Variants in HACD2 observed in about 807,000 individuals in gnomAD.
HACD2 encodes the protein very-long-chain (3R)-3-hydroxyacyl-CoA dehydratase 2.
A neutral mutation model predicts 31.0 loss-of-function variants in HACD2; 15 were observed. That is an observed-to-expected ratio of 0.48 (90% CI 0.32 to 0.75). The LOEUF is 0.75. Among genes scored for constraint, HACD2 ranks in the 30% least tolerant of loss-of-function variants. The pLI is 0.03. For synonymous variants in HACD2, 115 were observed against 122.2 expected, an observed-to-expected ratio of 0.94 and a Z score of 0.39; for missense variants, 283 against 313.0, an observed-to-expected ratio of 0.90 and a Z score of 0.72.
Position 123,584,861 on chromosome 3 carries a change from C to T in HACD2, c.155+12G>A, listed in dbSNP as rs1255078319. Reference sequence around the variant, plus strand: ...CGCGCTGGCTCCCCGCCTCCCCGAGCCCCAGCCTCACCCGGCTGTCATCAC... The same window carrying T: ...CGCGCTGGCTCCCCGCCTCCCCGAGTCCCAGCCTCACCCGGCTGTCATCAC... On this transcript the variant is annotated intron_variant, in intron 1 of 6. Coordinates refer to ENST00000383657, the MANE Select transcript of HACD2 (RefSeq NM_198402.5). The T allele has an allele frequency of 6.7e-7, 1 of 1,494,038 alleles. No homozygotes were observed. The highest frequency in any genetic ancestry group is 2.3e-5 in the Admixed American group (1 of 43,312). 92.5% of individuals were successfully genotyped at this position (1,494,038 alleles called of 1,614,324 possible).
intron 4 of HACD2, among the ~76,000 whole-genome samples, chr3:123,516,233 ATTT>A (rs138783399): frequency 3.2e-3 from 406 of 125,764 alleles, no homozygotes; most frequent in Middle Eastern, 8.8e-3. Context: ...TGTGCAACAT[ATTT>A]TTTTTTTTTT....
intron 1 of HACD2, chr3:123,584,619 C>G (rs1411194034): frequency 3.0e-6 from 1 of 328,100 alleles, no homozygotes. Context: ...CGAGCCAGCG[C>G]CCGGCAGCCG....
intron 3 of HACD2, among the ~76,000 whole-genome samples, chr3:123,538,100 G>A (rs2056447908): frequency 6.6e-6 from 1 of 152,146 alleles, no homozygotes; most frequent in African/African-American, 2.4e-5. Flanking sequence ...TCAGAAAAGA[G>A]GATGGCTGGT....
chr3:123,530,432 C>T (rs371415218), intron 3 of HACD2, among the ~76,000 whole-genome samples: 6 of 140,068 alleles, frequency 4.3e-5, no homozygotes, highest in South Asian at 2.2e-4. Context: ...TTTTTTGAGA[C>T]GGAGTCTTGC....
chr3:123,576,358 G>A (rs1353238410), intron 2 of HACD2, among the ~76,000 whole-genome samples: 1 of 151,988 alleles, frequency 6.6e-6, no homozygotes, highest in East Asian at 1.9e-4. Flanking sequence ...AAGCAGTGAG[G>A]CCTGTGTGGG....
intron 4 of HACD2, among the ~76,000 whole-genome samples, chr3:123,508,827 T>G (rs9860212): frequency 0.023 from 3,475 of 152,290 alleles, 54 homozygotes; most frequent in Non-Finnish European, 0.036. Flanking sequence ...CTCACAGTTA[T>G]GGAGGCTGGA....
At chr3:123,570,947 C>CACACACACACACAT (rs1248960155) in intron 2 of HACD2, among the ~76,000 whole-genome samples, 3 of 147,486 alleles carry the variant, frequency 2.0e-5, no homozygotes, top group African/African-American at 7.8e-5. Flanking sequence ...CACACACATA[C>CACACACACACACAT]ACACACACAC....
intron 3 of HACD2, 111 bp from the exon 4 acceptor site, chr3:123,528,585 C>G: frequency 1.4e-6 from 1 of 697,434 alleles, no homozygotes; most frequent in Non-Finnish European, 2.5e-6. Context: ...CGGTCTTGAG[C>G]AACTGAAAGG....
intron 3 of HACD2, among the ~76,000 whole-genome samples, 163 bp from the exon 4 acceptor site, chr3:123,528,637 C>T (rs370223790): frequency 1.4e-4 from 22 of 152,270 alleles, no homozygotes; most frequent in African/African-American, 5.3e-4. Context: ...ATGTAGTCCA[C>T]ATTAAAACAA....
intron 4 of HACD2, among the ~76,000 whole-genome samples, chr3:123,516,725 A>C (rs2056142336): frequency 6.6e-6 from 1 of 152,238 alleles, no homozygotes; most frequent in Non-Finnish European, 1.5e-5. Flanking sequence ...TAAGCATGCA[A>C]TCAACAAGCG....
At position 123,546,208 on chromosome 3, in the gene HACD2, T is replaced by C. The variant is rs557468341; in HGVS notation, c.293-17734A>G. Among the ~76,000 whole-genome samples the C allele has an allele frequency of 1.0e-3, 156 of 152,316 alleles. 1 individual carries two copies. The highest frequency in any genetic ancestry group is 3.4e-3 in the Middle Eastern group (1 of 294). On this transcript the variant is annotated intron_variant, in intron 3 of 6. Transcript: ENST00000383657. The stretch of plus-strand genomic sequence containing the variant: ...TGCTTCTGGATTCCAACACTAAAGA[T>C]ATAGAGCCGATTCATTACTTACACT...
intron 4 of HACD2, among the ~76,000 whole-genome samples, chr3:123,513,362 T>C (rs1314378041): frequency 6.6e-6 from 1 of 152,050 alleles, no homozygotes; most frequent in African/African-American, 2.4e-5. Context: ...TCCCACAAAA[T>C]ACTAATTAAT....
At chr3:123,516,540 T>C (rs1252170224) in intron 4 of HACD2, among the ~76,000 whole-genome samples, 5 of 152,096 alleles carry the variant, frequency 3.3e-5, no homozygotes, top group African/African-American at 4.8e-5. Flanking sequence ...GGCCAGATTT[T>C]TAAAAAAATC....
intron 4 of HACD2, among the ~76,000 whole-genome samples, chr3:123,517,502 T>A (rs2056152827): frequency 1.3e-5 from 2 of 152,220 alleles, no homozygotes; most frequent in Admixed American, 1.3e-4. Context: ...AAATATTCTA[T>A]GAAGTGATAG....
intron 3 of HACD2, among the ~76,000 whole-genome samples, chr3:123,559,183 T>G (rs78909327): frequency 0.03 from 4,551 of 152,290 alleles, 76 homozygotes; most frequent in Middle Eastern, 0.088. Flanking sequence ...TCTATTTTTA[T>G]TAGAAGTCAT....
intron 3 of HACD2, among the ~76,000 whole-genome samples, chr3:123,558,296 C>A (rs1251639035): frequency 6.6e-6 from 1 of 152,118 alleles, no homozygotes; most frequent in East Asian, 1.9e-4. Context: ...TTAAGACAAG[C>A]CCCAGAGTGG....
chr3:123,519,452 C>T (rs982278661), intron 4 of HACD2, among the ~76,000 whole-genome samples: 5 of 152,162 alleles, frequency 3.3e-5, no homozygotes, highest in African/African-American at 1.2e-4. Context: ...TTACTAAACT[C>T]TCTTCCCTGA....
intron 3 of HACD2, among the ~76,000 whole-genome samples, chr3:123,551,868 T>C (rs2056624103): frequency 6.6e-6 from 1 of 152,206 alleles, no homozygotes; most frequent in African/African-American, 2.4e-5. Context: ...TATATCTATA[T>C]AGCTGAATAT....
chr3:123,571,825 C>A (rs1184429522), intron 2 of HACD2, among the ~76,000 whole-genome samples: 1 of 152,140 alleles, frequency 6.6e-6, no homozygotes, highest in Non-Finnish European at 1.5e-5. Context: ...TGTTTTACAG[C>A]AACAAAAACT....
Sources: gnomAD v4.1 joint callset for allele counts (sites outside exome capture counted in the v4.1 genomes callset) on GRCh38, gnomAD v4.1.1 for gene constraint, MANE v1.5 for transcripts, NCBI Gene and HGNC (gene_info 2026-07-23, HGNC 2026-07-21) for gene names.